REDIC1: variants seen among roughly 807,000 people sequenced by gnomAD.
REDIC1 encodes regulator of DNA class I crossover intermediates 1.
the REDIC1 span, among the ~76,000 whole-genome samples, chr12:39,781,912 A>G: frequency 6.6e-6 from 1 of 152,302 alleles, no homozygotes; most frequent in East Asian, 1.9e-4. Flanking sequence ...GATCAGCTCT[A>G]CCACCTGGTA....
chr12:39,729,241 T>C, the REDIC1 span, among the ~76,000 whole-genome samples: 17 of 152,302 alleles, frequency 1.1e-4, no homozygotes, highest in South Asian at 3.1e-3. Flanking sequence ...GTTCTTTTAA[T>C]TGGGATGTTA....
chr12:39,638,657 A>G, the REDIC1 span, among the ~76,000 whole-genome samples: 1 of 152,070 alleles, frequency 6.6e-6, no homozygotes, highest in Non-Finnish European at 1.5e-5. Context: ...ATGTGGACAT[A>G]TCATTCTATT....
chr12:39,661,414 G>A, the REDIC1 span, among the ~76,000 whole-genome samples: 1 of 151,900 alleles, frequency 6.6e-6, no homozygotes, highest in Non-Finnish European at 1.5e-5. Context: ...GTGACGTTGA[G>A]CATTTTTTTT....
the REDIC1 span, among the ~76,000 whole-genome samples, chr12:39,731,181 C>T: frequency 6.6e-6 from 1 of 152,118 alleles, no homozygotes; most frequent in African/African-American, 2.4e-5. Flanking sequence ...ATTCTCTGTC[C>T]AGTTTTGTTC....
the REDIC1 span, among the ~76,000 whole-genome samples, chr12:39,862,339 C>T: frequency 2.0e-5 from 3 of 152,096 alleles, no homozygotes; most frequent in African/African-American, 7.2e-5. Context: ...GTTCTTTAAC[C>T]ATTTACTTTC....
chr12:39,711,285 T>C, the REDIC1 span, among the ~76,000 whole-genome samples: 1 of 148,844 alleles, frequency 6.7e-6, no homozygotes, highest in Non-Finnish European at 1.5e-5. Flanking sequence ...ATCACATATA[T>C]AGTGTATATA....
the REDIC1 span, among the ~76,000 whole-genome samples, chr12:39,810,766 GA>G: frequency 6.6e-5 from 10 of 152,008 alleles, no homozygotes; most frequent in Admixed American, 3.9e-4. Flanking sequence ...TTAATATAAT[GA>G]ATTACATCCA....
chr12:39,701,559 G>C, the REDIC1 span, among the ~76,000 whole-genome samples: 1 of 152,004 alleles, frequency 6.6e-6, no homozygotes, highest in East Asian at 1.9e-4. Context: ...GGATACCCAG[G>C]AATTGAACTC....
chr12:39,773,329 G>A, the REDIC1 span, among the ~76,000 whole-genome samples: 4 of 152,304 alleles, frequency 2.6e-5, no homozygotes, highest in Admixed American at 2.6e-4. Flanking sequence ...CTTACCAGCA[G>A]AATGACTAGG....
At chr12:39,906,049 T>G in the REDIC1 span, among the ~76,000 whole-genome samples, 3 of 152,144 alleles carry the variant, frequency 2.0e-5, no homozygotes, top group African/African-American at 7.2e-5. Flanking sequence ...GCTAAAAACA[T>G]GACAACTTTA....
the REDIC1 span, among the ~76,000 whole-genome samples, chr12:39,841,047 T>C: frequency 6.6e-6 from 1 of 152,100 alleles, no homozygotes; most frequent in Non-Finnish European, 1.5e-5. Context: ...ACCAAATCCA[T>C]ACATGACCAT....
At chr12:39,896,471 T>C in the REDIC1 span, among the ~76,000 whole-genome samples, 3 of 134,548 alleles carry the variant, frequency 2.2e-5, no homozygotes, top group South Asian at 4.4e-4. Context: ...TGTATACATA[T>C]ATGTATATGT....
At chr12:39,680,131 A>G in the REDIC1 span, among the ~76,000 whole-genome samples, 4 of 152,198 alleles carry the variant, frequency 2.6e-5, no homozygotes, top group Non-Finnish European at 4.4e-5. Context: ...AAATAAACAA[A>G]TGGAACCTAA....
the REDIC1 span, among the ~76,000 whole-genome samples, chr12:39,772,631 A>C: frequency 6.6e-6 from 1 of 152,200 alleles, no homozygotes; most frequent in African/African-American, 2.4e-5. Context: ...GAAAGAAAAA[A>C]GAAAGGCAGG....
chr12:39,834,786 T>C, the REDIC1 span, among the ~76,000 whole-genome samples: 1 of 152,112 alleles, frequency 6.6e-6, no homozygotes, highest in Non-Finnish European at 1.5e-5. Context: ...TTTTTCATCA[T>C]ATAGACTATT....
the REDIC1 span, among the ~76,000 whole-genome samples, chr12:39,878,718 G>C: frequency 6.6e-6 from 1 of 152,236 alleles, no homozygotes; most frequent in Non-Finnish European, 1.5e-5. Flanking sequence ...AAAATTTGCA[G>C]CCTGGCCATG....
chr12:39,723,307 G>T, the REDIC1 span, among the ~76,000 whole-genome samples: 96 of 152,214 alleles, frequency 6.3e-4, no homozygotes, highest in East Asian at 0.018. Context: ...AAATCTGAGG[G>T]TGGTCTTGGA....
chr12:39,726,913 A>G, the REDIC1 span, among the ~76,000 whole-genome samples: 1 of 152,230 alleles, frequency 6.6e-6, no homozygotes, highest in Non-Finnish European at 1.5e-5. Flanking sequence ...TCTAATGACC[A>G]GCGATGATGA....
the REDIC1 span, among the ~76,000 whole-genome samples, chr12:39,845,272 AC>A: frequency 5.3e-5 from 8 of 151,838 alleles, no homozygotes; most frequent in African/African-American, 1.9e-4. Flanking sequence ...TCTTTTTGGG[AC>A]CCATTTGTGC....
Sources: allele counts gnomAD v4.1 joint callset (sites outside exome capture counted in the v4.1 genomes callset), GRCh38; gene constraint gnomAD v4.1.1; transcripts MANE v1.5; gene names NCBI Gene and HGNC (gene_info 2026-07-23, HGNC 2026-07-21).